The following MALRD1 variants were observed in gnomAD, a reference collection of about 807,000 sequenced individuals.
MALRD1 encodes the protein MAM and LDL-receptor class A domain-containing protein 1.
A neutral mutation model predicts 242.1 loss-of-function variants in MALRD1; 247 were observed. The observed-to-expected ratio is 1.02, with a 90% CI of 0.92 to 1.13. The LOEUF (loss-of-function observed/expected upper bound fraction) is 1.13, where lower values mean the gene tolerates loss of function less well. MALRD1 is among the 50% of genes most tolerant of loss of function. MALRD1 has a pLI of 0.00. For synonymous variants in MALRD1, 995 were observed against 866.6 expected, an observed-to-expected ratio of 1.15 and a Z score of -2.60; for missense variants, 2,989 against 2,533.1, an observed-to-expected ratio of 1.18 and a Z score of -3.86.
chr10:19,083,951 T>G (rs1264121768), intron 2 of MALRD1, among the ~76,000 whole-genome samples: 4 of 152,020 alleles, frequency 2.6e-5, no homozygotes, highest in Non-Finnish European at 5.9e-5. Flanking sequence ...GGGAAAAAGT[T>G]TCAGAGATCT....
intron 26 of MALRD1, among the ~76,000 whole-genome samples, chr10:19,355,617 C>A (rs1844590265): frequency 6.6e-6 from 1 of 150,646 alleles, no homozygotes; most frequent in Admixed American, 6.6e-5. Flanking sequence ...TACATTCAAG[C>A]AGATAACAAA....
intron 18 of MALRD1, among the ~76,000 whole-genome samples, chr10:19,251,631 A>G (rs1839295615): frequency 6.6e-6 from 1 of 151,990 alleles, no homozygotes; most frequent in South Asian, 2.1e-4. Context: ...GTAGGGTAAA[A>G]TATCAGGCCC....
chr10:19,696,587 A>G (rs1384585818), intron 38 of MALRD1, among the ~76,000 whole-genome samples: 2 of 151,860 alleles, frequency 1.3e-5, no homozygotes, highest in Non-Finnish European at 1.5e-5. Flanking sequence ...TGTTCATTAG[A>G]AAAAAAATGA....
intron 29 of MALRD1, among the ~76,000 whole-genome samples, chr10:19,455,192 A>G (rs1281691285): frequency 1.3e-5 from 2 of 152,202 alleles, no homozygotes; most frequent in Admixed American, 1.3e-4. Context: ...CAGAAATCTT[A>G]TAAAATGTAG....
chr10:19,061,993 G>C (rs557645374), intron 1 of MALRD1, among the ~76,000 whole-genome samples: 18 of 152,060 alleles, frequency 1.2e-4, no homozygotes, highest in African/African-American at 4.3e-4. Flanking sequence ...GCAATCCACA[G>C]AGTAGTAGAA....
chr10:19,662,415 A>G (rs112040292), intron 36 of MALRD1, among the ~76,000 whole-genome samples: 2 of 152,278 alleles, frequency 1.3e-5, no homozygotes, highest in African/African-American at 2.4e-5. Context: ...AAGCAGAAAG[A>G]TAACTCATTC....
intron 36 of MALRD1, among the ~76,000 whole-genome samples, chr10:19,625,913 G>A (rs1396901537): frequency 6.6e-6 from 1 of 151,922 alleles, no homozygotes; most frequent in East Asian, 1.9e-4. Context: ...GGCCTCTGCT[G>A]TTATTTTTTT....
intron 33 of MALRD1, among the ~76,000 whole-genome samples, chr10:19,583,149 T>A (rs28791554): frequency 0.5 from 60,110 of 120,784 alleles, 15,270 homozygotes; most frequent in African/African-American, 0.61. Flanking sequence ...TTTCTAGATA[T>A]ACAATCATGT....
At chr10:19,154,517 A>G (rs1449767523) in intron 11 of MALRD1, among the ~76,000 whole-genome samples, 1 of 152,142 alleles carries the variant, frequency 6.6e-6, no homozygotes, top group Non-Finnish European at 1.5e-5. Flanking sequence ...CTGCTGAGAG[A>G]TGTTATCCCC....
In MALRD1 at chr10:19,332,770, G is replaced by T. The variant is rs12243653; in HGVS notation, c.3901+1188G>T. 7.7e-3 allele frequency among the ~76,000 whole-genome samples: 1,173 copies of T among 152,296 alleles called. 15 individuals carry two copies. The highest frequency in any genetic ancestry group is 0.027 in the African/African-American group (1,120 of 41,554). ...GAAGTCTTGAGAGGTACATGGGAAA[G>T]ATATTATTAGTGCAGTCAACAGATG... On this transcript the variant is annotated intron_variant, in intron 24 of 39. Coordinates refer to ENST00000454679, the MANE Select transcript of MALRD1 (RefSeq NM_001142308.3).
At chr10:19,086,015 C>T (rs1041272490) in intron 2 of MALRD1, among the ~76,000 whole-genome samples, 6 of 151,994 alleles carry the variant, frequency 3.9e-5, no homozygotes, top group African/African-American at 1.4e-4. Context: ...TTACCTGCTG[C>T]AAGAGCCAAC....
rs984770046 is a variant in MALRD1, at chr10:19,531,331, A to T, written c.5458A>T (p.Arg1820Trp). The change falls in exon 32 of 40, where the codon AGG (arginine) becomes TGG (tryptophan). Residue 1820 changes from arginine (R) to tryptophan (W), a missense_variant. By Grantham distance (101) the Arg-to-Trp change is moderately radical. Coordinates refer to ENST00000454679, the MANE Select transcript of MALRD1 (RefSeq NM_001142308.3). The part of the protein sequence containing the change: ...VRFWFYMIDP[R>W]SMGILKVYTI... Reference sequence around the variant, plus strand: ...GTTCTGGTTCTACATGATTGATCCCAGGAGTATGGGAATATTAAAGGTACA... The same window carrying T: ...GTTCTGGTTCTACATGATTGATCCCTGGAGTATGGGAATATTAAAGGTACA... 1.9e-6 allele frequency: 3 copies of T among 1,546,030 alleles called. No homozygotes were observed. The highest frequency in any genetic ancestry group is 2.6e-6 in the Non-Finnish European group (3 of 1,143,962).
chr10:19,466,863 A>T (rs1284448138), intron 29 of MALRD1, among the ~76,000 whole-genome samples: 1 of 152,186 alleles, frequency 6.6e-6, no homozygotes, highest in African/African-American at 2.4e-5. Context: ...ATGACCCATC[A>T]CATGAAACCA....
intron 33 of MALRD1, among the ~76,000 whole-genome samples, chr10:19,572,414 C>T (rs559906908): frequency 3.3e-5 from 5 of 152,172 alleles, no homozygotes; most frequent in East Asian, 1.9e-4. Context: ...AAACTATATG[C>T]GAGGTTGTAA....
intron 29 of MALRD1, among the ~76,000 whole-genome samples, chr10:19,470,719 GT>G (rs1302889571): frequency 2.0e-5 from 3 of 151,622 alleles, no homozygotes; most frequent in African/African-American, 4.8e-5. Flanking sequence ...TTGTCCATTT[GT>G]TATGTCTTTT....
chr10:19,216,005 G>T (rs77012314), intron 18 of MALRD1, among the ~76,000 whole-genome samples: 4,286 of 151,488 alleles, frequency 0.028, 177 homozygotes, highest in East Asian at 0.18. Context: ...AATTATTCAA[G>T]ACCTTTCCTT....
intron 36 of MALRD1, among the ~76,000 whole-genome samples, chr10:19,631,216 C>T (rs749629029): frequency 2.0e-5 from 3 of 152,136 alleles, no homozygotes; most frequent in African/African-American, 7.2e-5. Flanking sequence ...CATCATTTAG[C>T]TCCCACTTAT....
intron 1 of MALRD1, among the ~76,000 whole-genome samples, chr10:19,054,301 CATAAT>C (rs1435475670): frequency 6.6e-6 from 1 of 151,950 alleles, no homozygotes. Flanking sequence ...GGTACACAGT[CATAAT>C]ATAAGTATAT....
chr10:19,396,016 T>C (rs542484861), intron 28 of MALRD1, among the ~76,000 whole-genome samples: 2 of 152,260 alleles, frequency 1.3e-5, no homozygotes, highest in South Asian at 4.1e-4. Context: ...CTCTAAAGAA[T>C]GACATTATCA....
Sources: allele counts gnomAD v4.1 joint callset (sites outside exome capture counted in the v4.1 genomes callset), GRCh38; gene constraint gnomAD v4.1.1; transcripts MANE v1.5; gene names NCBI Gene and HGNC (gene_info 2026-07-23, HGNC 2026-07-21).